Variants in CPA5 observed in about 807,000 individuals in gnomAD.
The protein encoded by CPA5 is carboxypeptidase A5, also known as testicular tissue protein Li 32.
A neutral mutation model predicts 52.2 loss-of-function variants in CPA5; 38 were observed. The observed-to-expected ratio is 0.73, with a 90% CI of 0.56 to 0.95. CPA5 has a LOEUF of 0.95. Ranked by LOEUF, CPA5 falls within the 40% of genes least tolerant of loss-of-function variation. The pLI is 0.00. For synonymous variants in CPA5, 198 were observed against 213.7 expected (o/e 0.93, Z 0.64); for missense variants, 519 against 566.7 (o/e 0.92, Z 0.86).
In CPA5 at chr7:130,351,650, T is replaced by TGATGTGTC. The variant is rs1562950173; in HGVS notation, c.333+1548_333+1549insCGATGTGT. 5.3e-5 allele frequency among the ~76,000 whole-genome samples: 8 copies of TGATGTGTC among 152,168 alleles called. No homozygotes were observed. The South Asian group carries it at 1.7e-3, about 32-fold the overall frequency. Reference sequence around the variant, plus strand: ...TAGAGGGAGCTGGGGGTGGGGTGGCTGATGTGTTGATGTGTTGAGGGATTG... The same window carrying TGATGTGTC: ...TAGAGGGAGCTGGGGGTGGGGTGGCTGATGTGTCGATGTGTTGATGTGTTGAGGGATTG... On this transcript the variant is annotated intron_variant, in intron 5 of 12. Transcript: ENST00000474905.
At chr7:130,347,608 C>T (rs1195263778) in intron 3 of CPA5, among the ~76,000 whole-genome samples, 158 bp from the exon 4 acceptor site, 4 of 152,194 alleles carry the variant, frequency 2.6e-5, no homozygotes, top group Non-Finnish European at 5.9e-5. Flanking sequence ...CGAGTCCTGC[C>T]TGCTCAGGGC....
chr7:130,360,563 C>T (rs182237406), intron 6 of CPA5, among the ~76,000 whole-genome samples: 87 of 152,384 alleles, frequency 5.7e-4, no homozygotes, highest in Non-Finnish European at 1.2e-3. Context: ...ATCATCATCG[C>T]TTTTCCCACT....
chr7:130,373,932 G>C, the CPA5 span, among the ~76,000 whole-genome samples: 1 of 152,240 alleles, frequency 6.6e-6, no homozygotes, highest in South Asian at 2.1e-4. Flanking sequence ...AAGTACGTGG[G>C]GTAGGAGAAC....
At chr7:130,356,745 T>C (rs1050610386) in intron 5 of CPA5, among the ~76,000 whole-genome samples, 1 of 152,230 alleles carries the variant, frequency 6.6e-6, no homozygotes, top group African/African-American at 2.4e-5. Flanking sequence ...CCAGGCTGTG[T>C]AGGGAAAATT....
At chr7:130,367,776 A>G in intron 11 of CPA5, 130 bp from the exon 12 acceptor site, 1 of 891,974 alleles carries the variant, frequency 1.1e-6, no homozygotes, top group Non-Finnish European at 1.8e-6. Flanking sequence ...CTCCCTTCTC[A>G]CAAGGGCCAT....
downstream of CPA5, among the ~76,000 whole-genome samples, chr7:130,369,761 G>A (rs564530106): frequency 6.6e-6 from 1 of 152,284 alleles, no homozygotes; most frequent in South Asian, 2.1e-4. Context: ...AGAAAACAGA[G>A]TGAAACAAAA....
chr7:130,352,215 C>A (rs1795192049), intron 5 of CPA5, among the ~76,000 whole-genome samples: 1 of 151,978 alleles, frequency 6.6e-6, no homozygotes, highest in African/African-American at 2.4e-5. Context: ...CAGAGGGATG[C>A]TTGAGAAACA....
In CPA5 at chr7:130,364,475, G is replaced by A. The variant is rs1192444475; in HGVS notation, c.838+966G>A. ...CCCAAAATGCTGGAATTACAGGCAT[G>A]AGCCACTGCGCCCAGCCAATTTTTG... is the stretch of plus-strand genomic sequence containing the variant. On this transcript the variant is annotated intron_variant, in intron 10 of 12. Coordinates refer to ENST00000474905, the MANE Select transcript of CPA5 (RefSeq NM_080385.5). 4.6e-5 allele frequency among the ~76,000 whole-genome samples: 7 copies of A among 152,212 alleles called. No individual in the cohort carries two copies. In the South Asian group the frequency reaches 1.5e-3, roughly 32 times the overall value.
At chr7:130,365,265 G>C (rs150599210) in intron 10 of CPA5, among the ~76,000 whole-genome samples, 26 of 152,324 alleles carry the variant, frequency 1.7e-4, no homozygotes, top group East Asian at 1.2e-3. Context: ...CTTGCCTCAG[G>C]GGGGGCATCC....
chr7:130,345,622 A>C (rs1794688079), intron 1 of CPA5: 1 of 152,258 alleles, frequency 6.6e-6, no homozygotes, highest in African/African-American at 2.4e-5. Context: ...CTAGCAGAAA[A>C]CCCACTGTCT....
At chr7:130,350,146 C>A in intron 5 of CPA5, 37 bp downstream of exon 5, 2 of 1,590,616 alleles carry the variant, frequency 1.3e-6, no homozygotes, top group South Asian at 1.1e-5. Flanking sequence ...TGCCTTCCGC[C>A]TTCCTTTCTG....
In CPA5 at chr7:130,367,990, T is replaced by C; in HGVS notation, c.1123T>C (p.Tyr375His). Residue 375 changes from tyrosine (Y) to histidine (H), a missense_variant and splice_region_variant, in exon 12 of 13, where the codon TAT (tyrosine) becomes CAT (histidine). Tyr to His is a moderately conservative substitution (Grantham distance 83). Coordinates refer to ENST00000474905, the MANE Select transcript of CPA5 (RefSeq NM_080385.5). ...TTTTGGCAGCATCAGCACCACCCTC[T>C]GTGAGTGAGCCTCCCCTGGCCCTGC... ...YIFGSISTTLYVASGITVDWA... is the reference protein window; with the variant it reads ...YIFGSISTTLHVASGITVDWA... 4.3e-6 allele frequency: 7 copies of C among 1,613,952 alleles called. No individual in the cohort carries two copies. Among genetic ancestry groups the C allele is most frequent in the Non-Finnish European group, 5.9e-6 (7 of 1,179,762 alleles).
intron 10 of CPA5, among the ~76,000 whole-genome samples, chr7:130,364,661 G>C (rs1383379449): frequency 6.6e-6 from 1 of 152,220 alleles, no homozygotes; most frequent in Non-Finnish European, 1.5e-5. Flanking sequence ...TATCAACAAG[G>C]CTGGCTTGAG....
chr7:130,367,828 A>G, intron 11 of CPA5, 78 bp from the exon 12 acceptor site: 1 of 1,235,130 alleles, frequency 8.1e-7, no homozygotes, highest in Non-Finnish European at 1.2e-6. Context: ...CATGCTTCTC[A>G]CCAGCTGGTG....
chr7:130,372,651 T>C (rs1796305936), downstream of CPA5, among the ~76,000 whole-genome samples: 1 of 152,202 alleles, frequency 6.6e-6, no homozygotes, highest in Admixed American at 6.5e-5. Flanking sequence ...CGCCTTACAC[T>C]ATATTTGTTG....
chr7:130,349,873 T>C (rs1416459753), intron 4 of CPA5, 102 bp from the exon 5 acceptor site: 2 of 1,355,316 alleles, frequency 1.5e-6, no homozygotes, highest in Non-Finnish European at 2.0e-6. Flanking sequence ...AGAAAGAGGG[T>C]CTCTACTGGC....
At chr7:130,348,093 C>T (rs1794886091) in intron 4 of CPA5, among the ~76,000 whole-genome samples, 1 of 152,154 alleles carries the variant, frequency 6.6e-6, no homozygotes, top group African/African-American at 2.4e-5. Context: ...TAGGGAGCTG[C>T]TACATGACCC....
At chr7:130,361,010 T>G (rs564513165) in intron 6 of CPA5, 133 bp from the exon 7 acceptor site, 20 of 623,238 alleles carry the variant, frequency 3.2e-5, no homozygotes, top group Admixed American at 2.3e-4. Context: ...CTGGGTTCTT[T>G]TAGACCCTCG....
intron 5 of CPA5, among the ~76,000 whole-genome samples, chr7:130,350,497 C>T (rs553215187): frequency 6.6e-6 from 1 of 152,334 alleles, no homozygotes; most frequent in Admixed American, 6.5e-5. Context: ...CCTCCTGTTC[C>T]CGCTGTGTCT....
Sources: allele counts gnomAD v4.1 joint callset (sites outside exome capture counted in the v4.1 genomes callset), GRCh38; gene constraint gnomAD v4.1.1; transcripts MANE v1.5; gene names NCBI Gene and HGNC (gene_info 2026-07-23, HGNC 2026-07-21).